Variants in GABRG3 observed in about 807,000 individuals in gnomAD.
GABRG3 encodes gamma-aminobutyric acid receptor subunit gamma-3.
Under a neutral mutation model 48.8 loss-of-function variants are expected in GABRG3, and 25 were observed. That is an observed-to-expected ratio of 0.51 (90% CI 0.37 to 0.72). The LOEUF (loss-of-function observed/expected upper bound fraction) is 0.72, where lower values mean the gene tolerates loss of function less well. GABRG3 is among the 30% of genes least tolerant of loss of function. GABRG3 has a pLI of 0.00. For missense variants in GABRG3, 394 were observed against 577.9 expected (o/e 0.68, Z 3.26); for synonymous variants, 227 against 217.6 (o/e 1.04, Z -0.38).
At chr15:27,097,940 CTT>C (rs11305962) in intron 3 of GABRG3, among the ~76,000 whole-genome samples, 20 of 141,860 alleles carry the variant, frequency 1.4e-4, no homozygotes, top group African/African-American at 4.1e-4. Context: ...ATCTATTATT[CTT>C]TTTTTTTTTA....
chr15:27,245,805 G>A (rs963003771), intron 3 of GABRG3, among the ~76,000 whole-genome samples: 1 of 152,158 alleles, frequency 6.6e-6, no homozygotes, highest in Non-Finnish European at 1.5e-5. Flanking sequence ...CCTGGGAGGC[G>A]GAGGTTGCAG....
rs143529396 is a variant in GABRG3 at position 26,986,423 on chromosome 15, G to A, written c.202+9273G>A. 5.3e-3 allele frequency among the ~76,000 whole-genome samples: 811 copies of A among 152,162 alleles called. 15 individuals carry two copies. The highest frequency in any genetic ancestry group is 0.031 in the Admixed American group (472 of 15,286). Reference sequence around the variant, plus strand: ...GAGACTAAGTAGACATCCAAAGGCCGCCGAGTTCAGACCTCAGCTTAACAC... The same window carrying A: ...GAGACTAAGTAGACATCCAAAGGCCACCGAGTTCAGACCTCAGCTTAACAC... On this transcript the variant is annotated intron_variant, in intron 2 of 9. Coordinates refer to ENST00000615808, the MANE Select transcript of GABRG3 (RefSeq NM_033223.5).
chr15:27,372,758 A>G (rs67250426), intron 5 of GABRG3, among the ~76,000 whole-genome samples: 23,874 of 152,118 alleles, frequency 0.16, 2,953 homozygotes, highest in African/African-American at 0.35. Flanking sequence ...GGTCCAGCTC[A>G]AACTCTGTCT....
At chr15:27,304,193 C>G (rs983347259) in intron 3 of GABRG3, among the ~76,000 whole-genome samples, 1 of 151,696 alleles carries the variant, frequency 6.6e-6, no homozygotes, top group African/African-American at 2.4e-5. Flanking sequence ...TTCCTGTTAA[C>G]CTAGTAGAAG....
rs182406591 is a variant in GABRG3, at chr15:27,474,487, A to T, written c.575-6163A>T. Among the ~76,000 whole-genome samples, 193 of 152,258 alleles carry T rather than the reference A, an allele frequency of 1.3e-3. 1 individual carries two copies. The highest frequency in any genetic ancestry group is 4.5e-3 in the African/African-American group (185 of 41,564). ...TCTAATGATTCAAAATTATCCACAA[A>T]AAAAGCTGCTGTGTCCCTCCAGCGC... On this transcript the variant is annotated intron_variant, in intron 5 of 9. Transcript: ENST00000615808.
intron 6 of GABRG3, among the ~76,000 whole-genome samples, chr15:27,508,963 C>T (rs1489818675): frequency 6.6e-6 from 1 of 152,098 alleles, no homozygotes; most frequent in Non-Finnish European, 1.5e-5. Context: ...TCCTGATCCG[C>T]CCGCCTTGGC....
At chr15:27,379,696 A>G (rs1895707437) in intron 5 of GABRG3, among the ~76,000 whole-genome samples, 1 of 152,216 alleles carries the variant, frequency 6.6e-6, no homozygotes, top group African/African-American at 2.4e-5. Context: ...GCAGAATGCT[A>G]GATGGGTGGA....
chr15:27,481,788 A>G (rs1890106278), intron 6 of GABRG3, among the ~76,000 whole-genome samples: 1 of 152,188 alleles, frequency 6.6e-6, no homozygotes, highest in Non-Finnish European at 1.5e-5. Context: ...TAAATAATGG[A>G]ACACCACAAT....
chr15:27,238,359 C>T (rs776192183), intron 3 of GABRG3, among the ~76,000 whole-genome samples: 6 of 152,238 alleles, frequency 3.9e-5, no homozygotes, highest in Non-Finnish European at 8.8e-5. Context: ...CCTTGCCCCA[C>T]GCCCAGCATC....
At chr15:27,104,246 G>A (rs1402427597) in intron 3 of GABRG3, among the ~76,000 whole-genome samples, 2 of 152,098 alleles carry the variant, frequency 1.3e-5, no homozygotes, top group Non-Finnish European at 2.9e-5. Flanking sequence ...TCTATATCAC[G>A]TTTTCTCATT....
chr15:27,398,062 C>T (rs184605569), intron 5 of GABRG3, among the ~76,000 whole-genome samples: 4 of 152,270 alleles, frequency 2.6e-5, no homozygotes, highest in Admixed American at 2.0e-4. Flanking sequence ...CCTCGGCCTC[C>T]CCAAGTGCTG....
chr15:27,194,700 T>G (rs1888438633), intron 3 of GABRG3, among the ~76,000 whole-genome samples: 1 of 152,190 alleles, frequency 6.6e-6, no homozygotes, highest in Non-Finnish European at 1.5e-5. Context: ...TTTACCTTAT[T>G]TTTCATGATG....
intron 5 of GABRG3, among the ~76,000 whole-genome samples, chr15:27,405,712 G>A (rs533515096): frequency 1.3e-5 from 2 of 152,254 alleles, no homozygotes; most frequent in South Asian, 2.1e-4. Flanking sequence ...ATGTGTGTGT[G>A]TTTGTGTGCT....
intron 5 of GABRG3, among the ~76,000 whole-genome samples, chr15:27,472,777 G>A (rs1383089589): frequency 6.6e-6 from 1 of 152,058 alleles, no homozygotes; most frequent in African/African-American, 2.4e-5. Context: ...AGGAACATAT[G>A]TACTCTCTCT....
chr15:27,413,118 C>T (rs1887845104), intron 5 of GABRG3, among the ~76,000 whole-genome samples: 1 of 152,036 alleles, frequency 6.6e-6, no homozygotes, highest in South Asian at 2.1e-4. Context: ...GAACAAACAG[C>T]AAGTAAGCCA....
At chr15:27,264,632 T>C (rs1383873204) in intron 3 of GABRG3, among the ~76,000 whole-genome samples, 1 of 148,668 alleles carries the variant, frequency 6.7e-6, no homozygotes, top group African/African-American at 2.5e-5. Flanking sequence ...AAAAAAAACC[T>C]TATGAATACT....
intron 3 of GABRG3, among the ~76,000 whole-genome samples, chr15:27,166,739 T>C (rs1887387801): frequency 6.6e-6 from 1 of 152,168 alleles, no homozygotes; most frequent in African/African-American, 2.4e-5. Context: ...TTATTACAAA[T>C]AGATTATGCA....
chr15:27,469,778 C>G (rs963272480), intron 5 of GABRG3, among the ~76,000 whole-genome samples: 1 of 152,178 alleles, frequency 6.6e-6, no homozygotes, highest in African/African-American at 2.4e-5. Context: ...TCTCTATCCC[C>G]CACATTTTCT....
chr15:27,471,662 T>A (rs1369229706), intron 5 of GABRG3, among the ~76,000 whole-genome samples: 1 of 152,218 alleles, frequency 6.6e-6, no homozygotes, highest in South Asian at 2.1e-4. Context: ...TTTGCAAATG[T>A]GGTTTCAGAA....
Sources: gnomAD v4.1 joint callset for allele counts (sites outside exome capture counted in the v4.1 genomes callset) on GRCh38, gnomAD v4.1.1 for gene constraint, MANE v1.5 for transcripts, NCBI Gene and HGNC (gene_info 2026-07-23, HGNC 2026-07-21) for gene names.